CASP5: variants seen among roughly 807,000 people sequenced by gnomAD.
CASP5 encodes caspase 5.
In CASP5, 42 loss-of-function variants were observed where a neutral mutation model predicts 45.2. The observed-to-expected ratio is 0.93, with a 90% confidence interval of 0.73 to 1.20. The LOEUF (loss-of-function observed/expected upper bound fraction) is 1.20, where lower values mean the gene tolerates loss of function less well. CASP5 is among the 50% of genes most tolerant of loss of function. The probability of loss-of-function intolerance (pLI) is 0.00; values close to 1 mark genes in which losing one functional copy is unlikely to be tolerated. For missense variants in CASP5, 512 were observed against 532.2 expected, an observed-to-expected ratio of 0.96 and a Z score of 0.37; for synonymous variants, 209 against 186.2, an observed-to-expected ratio of 1.12 and a Z score of -1.00.
chr11:105,023,088 C>T, intron 1 of CASP5, 42 bp downstream of exon 1: 2 of 1,546,896 alleles, frequency 1.3e-6, no homozygotes, highest in Non-Finnish European at 1.8e-6. Flanking sequence ...TTTTCTAAGA[C>T]CTGAGTACCC....
intron 1 of CASP5, among the ~76,000 whole-genome samples, chr11:105,021,829 T>G (rs1862978610): frequency 6.6e-6 from 1 of 150,446 alleles, no homozygotes; most frequent in Non-Finnish European, 1.5e-5. Flanking sequence ...CAAAGGACTA[T>G]AAATCATGCT....
chr11:105,019,737 A>G lies in CASP5; in HGVS notation c.7+3393T>C, dbSNP rs563182311. On this transcript the variant is annotated intron_variant, in intron 1 of 9. Coordinates refer to ENST00000260315, the MANE Select transcript of CASP5 (RefSeq NM_004347.5). ...AATTCTACCAGAGGTACAAGGAGGA[A>G]CTGGTACCATTCCTTCTGAAACTAT... Among the ~76,000 whole-genome samples the G allele has an allele frequency of 2.1e-5, 3 of 144,920 alleles. 1 individual carries two copies. Among genetic ancestry groups the G allele is most frequent in the South Asian group, 4.4e-4 (2 of 4,584 alleles).
chr11:105,016,134 C>A (rs1862576341), intron 1 of CASP5, among the ~76,000 whole-genome samples: 1 of 152,146 alleles, frequency 6.6e-6, no homozygotes, highest in African/African-American at 2.4e-5. Flanking sequence ...TAACTGACCA[C>A]CTTTGCTAAT....
chr11:105,021,371 C>G (rs571568773), intron 1 of CASP5, among the ~76,000 whole-genome samples: 2 of 146,162 alleles, frequency 1.4e-5, no homozygotes, highest in East Asian at 3.9e-4. Context: ...AGTGAACAGG[C>G]AACCTACAAA....
chr11:105,013,865 T>C (rs1471442649), intron 1 of CASP5, among the ~76,000 whole-genome samples: 1 of 152,160 alleles, frequency 6.6e-6, no homozygotes, highest in Non-Finnish European at 1.5e-5. Flanking sequence ...CAAAACCTGG[T>C]GATATTAAAC....
intron 1 of CASP5, among the ~76,000 whole-genome samples, chr11:105,018,891 C>A (rs1444721544): frequency 6.0e-5 from 9 of 149,432 alleles, no homozygotes; most frequent in Non-Finnish European, 7.5e-5. Flanking sequence ...CCAAAATTGA[C>A]CACATAGTTG....
Position 105,003,399 on chromosome 11 carries a change from A to G in CASP5, c.434-16T>C. 1.4e-6 allele frequency: 2 copies of G among 1,434,964 alleles called. No homozygotes were observed. The allele number at this position is 1,434,964 out of a possible 1,614,324, so 88.9% of individuals were successfully genotyped here. The stretch of plus-strand genomic sequence containing the variant: ...TGCAGAAGAGCTGTGGGATATCACA[A>G]AATATAAATTATGGTTTCTGCCTCT... On this transcript the variant is annotated splice_polypyrimidine_tract_variant and intron_variant, in intron 3 of 9. Coordinates refer to ENST00000260315, the MANE Select transcript of CASP5 (RefSeq NM_004347.5).
chr11:105,008,428 A>G (rs557273765), intron 2 of CASP5, among the ~76,000 whole-genome samples: 2 of 152,198 alleles, frequency 1.3e-5, no homozygotes, highest in East Asian at 1.9e-4. Context: ...GTGAGAAAGT[A>G]CTGAAATTGT....
intron 1 of CASP5, among the ~76,000 whole-genome samples, chr11:105,016,386 A>G (rs1233673474): frequency 6.6e-6 from 1 of 152,182 alleles, no homozygotes; most frequent in Admixed American, 6.5e-5. Context: ...CTGCATTTCC[A>G]TCTGAGGTAC....
At chr11:105,012,361 C>G (rs1197247709) in intron 1 of CASP5, among the ~76,000 whole-genome samples, 1 of 151,666 alleles carries the variant, frequency 6.6e-6, no homozygotes, top group Non-Finnish European at 1.5e-5. Flanking sequence ...CTTAATGACA[C>G]TGGTATAGAC....
At chr11:105,009,830 TATATATATACAC>T (rs1284198709) in intron 1 of CASP5, among the ~76,000 whole-genome samples, 11 of 47,596 alleles carry the variant, frequency 2.3e-4, no homozygotes, top group African/African-American at 6.4e-4. Flanking sequence ...TATATACACA[TATATATATACAC>T]ATATATATAC....
At chr11:105,018,052 A>T (rs1862727101) in intron 1 of CASP5, among the ~76,000 whole-genome samples, 1 of 151,828 alleles carries the variant, frequency 6.6e-6, no homozygotes, top group Non-Finnish European at 1.5e-5. Context: ...TATCCAGCCA[A>T]ACTAAGCTTC....
At chr11:105,006,980 A>G in intron 3 of CASP5, 103 bp downstream of exon 3, 1 of 981,876 alleles carries the variant, frequency 1.0e-6, no homozygotes, top group Non-Finnish European at 1.5e-6. Context: ...ATGAGAGTTT[A>G]GAAATGAAAC....
At chr11:105,016,129 G>A (rs964957183) in intron 1 of CASP5, among the ~76,000 whole-genome samples, 5 of 152,186 alleles carry the variant, frequency 3.3e-5, no homozygotes, top group Non-Finnish European at 7.3e-5. Flanking sequence ...TTAACTAACT[G>A]ACCACCTTTG....
chr11:105,018,020 G>T (rs1862724669), intron 1 of CASP5, among the ~76,000 whole-genome samples: 1 of 151,958 alleles, frequency 6.6e-6, no homozygotes, highest in Non-Finnish European at 1.5e-5. Context: ...TTAAAGAAAA[G>T]AATTTTCAAC....
chr11:105,013,557 A>T (rs961325414), intron 1 of CASP5, among the ~76,000 whole-genome samples: 1 of 152,128 alleles, frequency 6.6e-6, no homozygotes, highest in Non-Finnish European at 1.5e-5. Flanking sequence ...AATAATATTT[A>T]TAAAAAACAA....
chr11:105,007,356 C>T (rs1565385983), intron 2 of CASP5, 22 bp from the exon 3 acceptor site: 2 of 1,583,194 alleles, frequency 1.3e-6, no homozygotes, highest in East Asian at 2.2e-5. Context: ...AGAAAGACTC[C>T]TTTAACTATG....
At chr11:105,009,720 C>CACACACACACACACATAT (rs1376205553) in intron 1 of CASP5, among the ~76,000 whole-genome samples, 1 of 64,088 alleles carries the variant, frequency 1.6e-5, no homozygotes, top group Non-Finnish European at 3.2e-5. Context: ...TATATACACA[C>CACACACACACACACATAT]ATATATATAT....
intron 5 of CASP5, 103 bp downstream of exon 5, chr11:105,001,925 C>A: frequency 8.6e-7 from 1 of 1,164,842 alleles, no homozygotes; most frequent in Non-Finnish European, 1.2e-6. Flanking sequence ...CGCACACGAA[C>A]CCAGAGGTTG....
Sources: allele counts gnomAD v4.1 joint callset (sites outside exome capture counted in the v4.1 genomes callset), GRCh38; gene constraint gnomAD v4.1.1; transcripts MANE v1.5; gene names NCBI Gene and HGNC (gene_info 2026-07-23, HGNC 2026-07-21).